Variants in EFCAB8 observed in about 807,000 individuals in gnomAD.
EFCAB8 encodes EF-hand calcium binding domain 8.
A neutral mutation model predicts 116.3 loss-of-function variants in EFCAB8; 100 were observed. The ratio of observed to expected loss-of-function variants is 0.86; its 90% CI spans 0.73 to 1.02. The LOEUF (loss-of-function observed/expected upper bound fraction) is 1.02. Ranked by LOEUF, EFCAB8 falls within the 50% of genes least tolerant of loss-of-function variation. The pLI, the probability that EFCAB8 is intolerant of heterozygous loss-of-function variation, is 0.00. For synonymous variants in EFCAB8, 558 were observed against 567.9 expected, an observed-to-expected ratio of 0.98 and a Z score of 0.25; for missense variants, 1,320 against 1,416.9, an observed-to-expected ratio of 0.93 and a Z score of 1.10.
chr20:32,960,989 T>G (rs1243896283), intron 26 of EFCAB8, 147 bp from the exon 27 acceptor site: 1 of 690,192 alleles, frequency 1.4e-6, no homozygotes, highest in Non-Finnish European at 2.5e-6. Flanking sequence ...GCCACGGTGG[T>G]TAGTGGTAGC....
At chr20:32,899,574 T>C (rs1380392333) in intron 11 of EFCAB8, among the ~76,000 whole-genome samples, 2 of 152,080 alleles carry the variant, frequency 1.3e-5, no homozygotes, top group East Asian at 1.9e-4. Context: ...TTCTGGTTTT[T>C]TTTCTTTTTT....
At position 32,919,999 on chromosome 20, in the gene EFCAB8, C is replaced by T. The variant is rs946472790; in HGVS notation, c.2275-79C>T. ...GGGCTTGGGAGTGCCGCTCTTTTATCATCTTCCTCTGGTCTCTGGTCCCCT... is the reference window on the plus strand; with the variant it reads ...GGGCTTGGGAGTGCCGCTCTTTTATTATCTTCCTCTGGTCTCTGGTCCCCT... On this transcript the variant is annotated intron_variant, in intron 19 of 26. Transcript: ENST00000400522. 1.1e-4 allele frequency: 173 copies of T among 1,538,156 alleles called. 1 individual carries two copies. Among genetic ancestry groups the T allele is most frequent in the Admixed American group, 2.2e-4 (11 of 49,908 alleles).
At chr20:32,899,569 G>GT (rs908983904) in intron 11 of EFCAB8, among the ~76,000 whole-genome samples, 3 of 151,524 alleles carry the variant, frequency 2.0e-5, no homozygotes, top group Admixed American at 2.0e-4. Context: ...ACCACTTCTG[G>GT]TTTTTTTTCT....
At position 32,961,625 on chromosome 20, in the gene EFCAB8, T is replaced by C. The variant is rs1304301116; in HGVS notation, c.*16T>C. On this transcript the variant is annotated 3_prime_UTR_variant, in exon 27 of 27. Transcript: ENST00000400522. ...CAGGTTCTGAGGTGCTCCGCTGTCT[T>C]CTCTAGTCCTCCAGCAGGGCAACCA... 1.6e-6 allele frequency: 2 copies of C among 1,269,928 alleles called. No homozygotes were observed. The highest frequency in any genetic ancestry group is 3.0e-5 in the African/African-American group (2 of 66,176). The allele number at this position is 1,269,928 out of a possible 1,614,324, so 78.7% of individuals were successfully genotyped here. A position where few individuals can be genotyped will look rare whatever the true frequency, so the allele number is the denominator to read the frequency against.
At chr20:32,912,022 A>G (rs561884766) in intron 16 of EFCAB8, among the ~76,000 whole-genome samples, 2 of 152,290 alleles carry the variant, frequency 1.3e-5, no homozygotes, top group Non-Finnish European at 1.5e-5. Context: ...ACAGCCACCC[A>G]TGGTCACCCC....
chr20:32,903,785 A>T (rs557025470), intron 11 of EFCAB8: 1 of 152,494 alleles, frequency 6.6e-6, no homozygotes, highest in African/African-American at 2.4e-5. Context: ...TGATACGGCA[A>T]AGTCAGGGGC....
At chr20:32,961,093 C>G (rs1476384282) in intron 26 of EFCAB8, 43 bp from the exon 27 acceptor site, 6 of 1,520,612 alleles carry the variant, frequency 3.9e-6, no homozygotes, top group Non-Finnish European at 5.4e-6. Context: ...GTCCCCGGCT[C>G]CAACTGGTGC....
chr20:32,960,417 G>A (rs1398057467), intron 26 of EFCAB8, among the ~76,000 whole-genome samples: 1 of 152,246 alleles, frequency 6.6e-6, no homozygotes, highest in African/African-American at 2.4e-5. Flanking sequence ...GTGGGACAAG[G>A]TCTCCTTGGG....
chr20:32,934,880 G>A (rs1163006387), intron 22 of EFCAB8, among the ~76,000 whole-genome samples: 4 of 152,164 alleles, frequency 2.6e-5, no homozygotes, highest in Non-Finnish European at 4.4e-5. Context: ...TCTCGGATAT[G>A]TCTTTATTAG....
chr20:32,911,736 G>A (rs1180181545), intron 16 of EFCAB8, 29 bp downstream of exon 16: 4 of 1,548,096 alleles, frequency 2.6e-6, no homozygotes, highest in Admixed American at 3.9e-5. Context: ...TTACAGCCAG[G>A]GACGGCCTCT....
Position 32,961,119 on chromosome 20 carries a change from C to G in EFCAB8, c.3394-17C>G. On this transcript the variant is annotated splice_polypyrimidine_tract_variant and intron_variant, in intron 26 of 26. Transcript: ENST00000400522. ...CAACTGGTGCCCCATTCCCGCTCCC[C>G]ACTCTGTTCCCTGCAGATCTCGCCT... 1 of 1,550,232 alleles carries G rather than the reference C, an allele frequency of 6.5e-7. No homozygotes were observed. The highest frequency in any genetic ancestry group is 8.7e-7 in the Non-Finnish European group (1 of 1,145,438).
rs183198862 is a variant in EFCAB8 at position 32,908,750 on chromosome 20, A to G, written c.1446+338A>G. On this transcript the variant is annotated intron_variant, in intron 14 of 26. Transcript: ENST00000400522. The stretch of plus-strand genomic sequence containing the variant: ...CTTGGCCCCGTTCCTTGTCTCAGTC[A>G]TGAGCCTCATAACTCTGTCCTGTCG... Among the ~76,000 whole-genome samples, 280 of 152,266 alleles carry G rather than the reference A, an allele frequency of 1.8e-3. 1 individual carries two copies. The highest frequency in any genetic ancestry group is 6.4e-3 in the African/African-American group (268 of 41,558).
intron 5 of EFCAB8, among the ~76,000 whole-genome samples, chr20:32,879,972 G>T (rs1443301504): frequency 6.6e-6 from 1 of 152,178 alleles, no homozygotes; most frequent in African/African-American, 2.4e-5. Context: ...GAGGAGCATT[G>T]CAGGGGCTCT....
chr20:32,918,661 G>A, intron 19 of EFCAB8, 87 bp downstream of exon 19: 1 of 1,363,548 alleles, frequency 7.3e-7, no homozygotes, highest in Non-Finnish European at 1.0e-6. Flanking sequence ...TTTCTTATTG[G>A]GATGTACTTT....
intron 20 of EFCAB8, among the ~76,000 whole-genome samples, chr20:32,924,173 C>CCTTCTGA (rs1987581965): frequency 6.6e-6 from 1 of 152,138 alleles, no homozygotes; most frequent in South Asian, 2.1e-4. Flanking sequence ...CCCACCTCAG[C>CCTTCTGA]CTTCTGAGTA....
At chr20:32,958,068 A>G (rs1225912496) in intron 23 of EFCAB8, among the ~76,000 whole-genome samples, 1 of 151,966 alleles carries the variant, frequency 6.6e-6, no homozygotes, top group African/African-American at 2.4e-5. Context: ...CTCATATCTG[A>G]TGGGTGTCTG....
chr20:32,875,509 T>TTTTTTTTTTTTTTTTTTTTC (rs2146186101), intron 3 of EFCAB8, among the ~76,000 whole-genome samples: 2 of 137,964 alleles, frequency 1.4e-5, no homozygotes, highest in South Asian at 4.7e-4. Flanking sequence ...GTGGTTTTTT[T>TTTTTTTTTTTTTTTTTTTTC]TTTTTTTTTT....
rs905415738 is a variant in EFCAB8 at position 32,911,463 on chromosome 20, C to T, written c.1558-17C>T. The T allele has an allele frequency of 4.1e-6, 6 of 1,458,882 alleles. No homozygotes were observed. The highest frequency in any genetic ancestry group is 5.5e-6 in the Non-Finnish European group (6 of 1,100,098). The allele number at this position is 1,458,882 out of a possible 1,614,324, so 90.4% of individuals were successfully genotyped here. A position where few individuals can be genotyped will look rare whatever the true frequency, so the allele number is the denominator to read the frequency against. ...CCCCGGCCTCTCCAGCAGCCCCCAG[C>T]TGTGTGCTCCCTACAGGTGGTGAGT... On this transcript the variant is annotated splice_polypyrimidine_tract_variant and intron_variant, in intron 15 of 26. Transcript: ENST00000400522.
rs182569953 is a variant in EFCAB8 at position 32,869,046 on chromosome 20, C to A, written c.208+1299C>A. Among the ~76,000 whole-genome samples the A allele has an allele frequency of 7.2e-5, 11 of 152,174 alleles. No individual in the cohort carries two copies. The East Asian group carries it at 2.1e-3, about 29-fold the overall frequency. On this transcript the variant is annotated intron_variant, in intron 3 of 26. Coordinates refer to ENST00000400522, the MANE Select transcript of EFCAB8 (RefSeq NM_001143967.2). ...ATCTTGGGGTTGACTGGGGAAGAAC[C>A]CACTTCCAAGCTCACTCAGGTTGTT...
Sources: allele counts gnomAD v4.1 joint callset (sites outside exome capture counted in the v4.1 genomes callset), GRCh38; gene constraint gnomAD v4.1.1; transcripts MANE v1.5; gene names NCBI Gene and HGNC (gene_info 2026-07-23, HGNC 2026-07-21).